KCNIP4: variants seen among roughly 807,000 people sequenced by gnomAD.
KCNIP4 encodes potassium voltage-gated channel interacting protein 4.
A neutral mutation model predicts 34.0 loss-of-function variants in KCNIP4; 12 were observed. The observed-to-expected ratio is 0.35, with a 90% CI of 0.23 to 0.57. The LOEUF (loss-of-function observed/expected upper bound fraction) is 0.57. Ranked by LOEUF, KCNIP4 falls within the 20% of genes least tolerant of loss-of-function variation. KCNIP4 has a pLI of 0.83. For synonymous variants in KCNIP4, 124 were observed against 102.2 expected, an observed-to-expected ratio of 1.21 and a Z score of -1.29; for missense variants, 238 against 311.7, an observed-to-expected ratio of 0.76 and a Z score of 1.78.
chr4:21,126,517 G>A (rs1750621916), intron 1 of KCNIP4, among the ~76,000 whole-genome samples: 2 of 148,602 alleles, frequency 1.3e-5, no homozygotes, highest in Admixed American at 1.4e-4. Context: ...GAGCCATTGT[G>A]TATCTGACTC....
At position 21,411,585 on chromosome 4, in the gene KCNIP4, T is replaced by C. The variant is rs930715599; in HGVS notation, c.62-528876A>G. ...ATTCCAGCACTGTAACAGTCCAAGA[T>C]GAGTGGATCGCTGGAGCCCAGGAGT... On this transcript the variant is annotated intron_variant, in intron 1 of 8. Transcript: ENST00000382152. Among the ~76,000 whole-genome samples the C allele has an allele frequency of 1.3e-5, 2 of 152,162 alleles. 1 individual carries two copies. The highest frequency in any genetic ancestry group is 4.1e-4 in the South Asian group (2 of 4,830).
intron 1 of KCNIP4, among the ~76,000 whole-genome samples, chr4:21,711,479 T>C (rs1481374770): frequency 3.3e-5 from 5 of 151,556 alleles, no homozygotes; most frequent in Non-Finnish European, 7.4e-5. Context: ...AGACTCCGTC[T>C]CAAAAAAACA....
intron 1 of KCNIP4, among the ~76,000 whole-genome samples, chr4:21,879,587 T>C (rs1172279499): frequency 6.6e-6 from 1 of 152,210 alleles, no homozygotes; most frequent in East Asian, 1.9e-4. Flanking sequence ...TTGCATATTG[T>C]AAAGATGTAG....
chr4:21,731,206 T>C (rs534469202), intron 1 of KCNIP4, among the ~76,000 whole-genome samples: 3 of 152,230 alleles, frequency 2.0e-5, no homozygotes, highest in Admixed American at 1.3e-4. Flanking sequence ...TGAGAGAGGC[T>C]GTCCCACTGT....
intron 1 of KCNIP4, among the ~76,000 whole-genome samples, chr4:21,875,912 A>G (rs10031795): frequency 0.99 from 151,362 of 152,234 alleles, 75,254 homozygotes; most frequent in Middle Eastern, 1. Context: ...ATTGACTTAG[A>G]GGCATTTCAG....
chr4:21,001,970 A>C (rs1738176697), intron 1 of KCNIP4, among the ~76,000 whole-genome samples: 1 of 152,066 alleles, frequency 6.6e-6, no homozygotes, highest in South Asian at 2.1e-4. Context: ...GTTCATTAAA[A>C]CCCTTTGTAA....
intron 5 of KCNIP4, among the ~76,000 whole-genome samples, chr4:20,742,996 C>A (rs879759894): frequency 1.4e-5 from 2 of 144,056 alleles, no homozygotes; most frequent in Non-Finnish European, 3.0e-5. Context: ...ACCTAGGAAT[C>A]CAACTTATAT....
In KCNIP4 at chr4:21,215,607, CTCT is replaced by C. The variant is rs1227683098; in HGVS notation, c.62-332901_62-332899del. Among the ~76,000 whole-genome samples, 5 of 152,248 alleles carry C rather than the reference CTCT, an allele frequency of 3.3e-5. No individual in the cohort carries two copies. In the East Asian group the frequency reaches 9.7e-4, roughly 29 times the overall value. On this transcript the variant is annotated intron_variant, in intron 1 of 8. Coordinates refer to ENST00000382152, the MANE Select transcript of KCNIP4 (RefSeq NM_025221.6). The stretch of plus-strand genomic sequence containing the variant: ...ATACCATTTCACTGTGATCTTTTAT[CTCT>C]TCTGTTGTTAAGCAACAGATCAAGG...
chr4:21,863,234 T>C (rs1191572010), intron 1 of KCNIP4, among the ~76,000 whole-genome samples: 1 of 150,772 alleles, frequency 6.6e-6, no homozygotes. Context: ...TATCCATATA[T>C]ATGGCTAATA....
chr4:21,112,186 G>T (rs1217572782), intron 1 of KCNIP4, among the ~76,000 whole-genome samples: 1 of 152,094 alleles, frequency 6.6e-6, no homozygotes, highest in Non-Finnish European at 1.5e-5. Context: ...AACTTGAAAG[G>T]TTAGCATGTA....
Position 20,758,903 on chromosome 4 carries a change from G to T in KCNIP4, c.289-13C>A, listed in dbSNP as rs766367639. 1.2e-6 allele frequency: 2 copies of T among 1,609,580 alleles called. No homozygotes were observed. Among genetic ancestry groups the T allele is most frequent in the Non-Finnish European group, 8.5e-7 (1 of 1,176,802 alleles). On this transcript the variant is annotated splice_polypyrimidine_tract_variant and intron_variant, in intron 3 of 8. Transcript: ENST00000382152. ...CACTGGGGCATTCCTAGGGAAAGTG[G>T]CAGAGAAGCAATATGAGCAAAGTGT...
At chr4:20,889,127 G>T (rs73242544) in intron 1 of KCNIP4, among the ~76,000 whole-genome samples, 23,448 of 151,892 alleles carry the variant, frequency 0.15, 2,061 homozygotes, top group East Asian at 0.26. Flanking sequence ...AGATATCTGG[G>T]TTTTTTTCCA....
intron 1 of KCNIP4, among the ~76,000 whole-genome samples, chr4:21,153,474 T>G (rs1254497865): frequency 6.9e-6 from 1 of 145,794 alleles, no homozygotes; most frequent in Non-Finnish European, 1.5e-5. Context: ...TCTTTATATA[T>G]ATACATATAT....
At chr4:20,949,932 G>A (rs1049268479) in intron 1 of KCNIP4, among the ~76,000 whole-genome samples, 17 of 149,638 alleles carry the variant, frequency 1.1e-4, no homozygotes, top group Non-Finnish European at 2.1e-4. Context: ...TGGGTGCAGC[G>A]CACCAGCATG....
chr4:21,740,393 T>G (rs1046814139), intron 1 of KCNIP4, among the ~76,000 whole-genome samples: 8 of 152,008 alleles, frequency 5.3e-5, no homozygotes, highest in Non-Finnish European at 1.0e-4. Context: ...TTCATTCCTT[T>G]CTTCCCTGTC....
chr4:21,571,874 G>C (rs1207657821), intron 1 of KCNIP4, among the ~76,000 whole-genome samples: 1 of 152,136 alleles, frequency 6.6e-6, no homozygotes, highest in African/African-American at 2.4e-5. Flanking sequence ...GCACTTTGCT[G>C]AGTATTTTGC....
At chr4:21,194,537 C>T (rs1297549086) in intron 1 of KCNIP4, among the ~76,000 whole-genome samples, 2 of 152,138 alleles carry the variant, frequency 1.3e-5, no homozygotes, top group Non-Finnish European at 2.9e-5. Flanking sequence ...CTCCTAACTT[C>T]GAATTATTTT....
rs181863911 is a variant in KCNIP4 at position 21,178,620 on chromosome 4, T to C, written c.62-295911A>G. The stretch of plus-strand genomic sequence containing the variant: ...ATAATAGGCATGTGATTGGTGAGAA[T>C]GTTAGCTAGTAATTATATTACTTCA... On this transcript the variant is annotated intron_variant, in intron 1 of 8. Coordinates refer to ENST00000382152, the MANE Select transcript of KCNIP4 (RefSeq NM_025221.6). 2.7e-4 allele frequency among the ~76,000 whole-genome samples: 40 copies of C among 147,066 alleles called. 1 individual carries two copies. The East Asian group carries it at 7.6e-3, about 28-fold the overall frequency.
At chr4:21,664,035 C>T (rs1287578154) in intron 1 of KCNIP4, among the ~76,000 whole-genome samples, 1 of 152,152 alleles carries the variant, frequency 6.6e-6, no homozygotes, top group East Asian at 1.9e-4. Context: ...ACCTCTGCCT[C>T]CCTGGCTCAA....
Sources: gnomAD v4.1 joint callset for allele counts (sites outside exome capture counted in the v4.1 genomes callset) on GRCh38, gnomAD v4.1.1 for gene constraint, MANE v1.5 for transcripts, NCBI Gene and HGNC (gene_info 2026-07-23, HGNC 2026-07-21) for gene names.